TM2D1: variants seen among roughly 807,000 people sequenced by gnomAD.
The protein encoded by TM2D1 is TM2 domain containing 1, also known as TM2 domain-containing protein 1.
Under a neutral mutation model 28.4 loss-of-function variants are expected in TM2D1, and 15 were observed. That is an observed-to-expected ratio of 0.53 (90% CI 0.35 to 0.81). TM2D1 has a LOEUF of 0.81. Ranked by LOEUF, TM2D1 falls within the 40% of genes least tolerant of loss-of-function variation. The probability of loss-of-function intolerance (pLI) is 0.01; values close to 1 mark genes in which losing one functional copy is unlikely to be tolerated. For missense variants in TM2D1, 236 were observed against 254.9 expected, an observed-to-expected ratio of 0.93 and a Z score of 0.50; for synonymous variants, 93 against 96.2, an observed-to-expected ratio of 0.97 and a Z score of 0.20.
intron 3 of TM2D1, among the ~76,000 whole-genome samples, chr1:61,701,420 C>T (rs1644400731): frequency 1.3e-5 from 2 of 149,842 alleles, no homozygotes; most frequent in African/African-American, 4.9e-5. Flanking sequence ...GATATTTGAG[C>T]AGAGACCTGA....
chr1:61,690,534 C>T (rs536719437), intron 5 of TM2D1, among the ~76,000 whole-genome samples: 1 of 151,312 alleles, frequency 6.6e-6, no homozygotes, highest in Non-Finnish European at 1.5e-5. Flanking sequence ...TGTTATAGCC[C>T]CAAATGGACT....
intron 2 of TM2D1, 101 bp downstream of exon 2, chr1:61,723,612 T>C: frequency 3.6e-6 from 2 of 557,290 alleles, no homozygotes; most frequent in Non-Finnish European, 6.1e-6. Context: ...TGTTATCATT[T>C]AGAAAAAATG....
chr1:61,723,815 C>T, intron 1 of TM2D1, 29 bp from the exon 2 acceptor site: 4 of 1,107,194 alleles, frequency 3.6e-6, no homozygotes, highest in Non-Finnish European at 4.0e-6. Context: ...GAAATACGGA[C>T]TACATTCCAA....
In TM2D1 at chr1:61,683,529, A is replaced by G; in HGVS notation, c.531T>C (p.Asp177=). ...LISMQIVGPS[D]GSSYIIDYYG... ...AGTAATCTATAATGTAACTACTTCC[A>G]TCTGAAGGTCCAACAATCTAGAAGA... The change falls in exon 6 of 7, where the codon GAT becomes GAC. Residue 177 remains aspartate, a synonymous_variant. Transcript: ENST00000606498. 6.6e-7 allele frequency: 1 copy of G among 1,518,722 alleles called. No individual in the cohort carries two copies. Among genetic ancestry groups the G allele is most frequent in the Admixed American group, 2.2e-5 (1 of 44,946 alleles). The allele number at this position is 1,518,722 out of a possible 1,614,324, so 94.1% of individuals were successfully genotyped here. A position where few individuals can be genotyped will look rare whatever the true frequency, so the allele number is the denominator to read the frequency against.
At chr1:61,695,082 ACACCAG>A (rs999728493) in intron 4 of TM2D1, among the ~76,000 whole-genome samples, 45 of 152,212 alleles carry the variant, frequency 3.0e-4, no homozygotes, top group Non-Finnish European at 6.0e-4. Flanking sequence ...AAATCTCAGT[ACACCAG>A]AGTTACATCT....
chr1:61,702,376 C>CT (rs151274900), intron 3 of TM2D1, among the ~76,000 whole-genome samples: 6,007 of 145,314 alleles, frequency 0.041, 419 homozygotes, highest in African/African-American at 0.14. Flanking sequence ...AATTTTATTT[C>CT]TTTTTTTTTT....
intron 2 of TM2D1, among the ~76,000 whole-genome samples, chr1:61,716,071 C>T (rs561040350): frequency 6.6e-5 from 10 of 151,900 alleles, no homozygotes; most frequent in South Asian, 2.1e-4. Context: ...TCCCAAAGTG[C>T]TGGGATTACA....
At chr1:61,700,887 TA>T in intron 4 of TM2D1, 46 bp downstream of exon 4, 2 of 1,422,824 alleles carry the variant, frequency 1.4e-6, no homozygotes, top group Non-Finnish European at 1.9e-6. Flanking sequence ...TACAATGAAC[TA>T]AAATATAGGT....
At chr1:61,683,577 T>C (rs1644263135) in intron 5 of TM2D1, 31 bp from the exon 6 acceptor site, 1 of 1,071,466 alleles carries the variant, frequency 9.3e-7, no homozygotes, top group African/African-American at 1.7e-5. Flanking sequence ...AAATTATTCA[T>C]TTTACAAAAG....
Position 61,694,768 on chromosome 1 carries a change from A to G in TM2D1, c.442T>C (p.Leu148=), listed in dbSNP as rs749162861. 1 of 1,593,046 alleles carries G rather than the reference A, an allele frequency of 6.3e-7. No individual in the cohort carries two copies. Among genetic ancestry groups the G allele is most frequent in the Admixed American group, 1.8e-5 (1 of 56,388 alleles). ...AACCCTACAGTGCAAAACTTTAACA[A>G]ACCTAGAAAAGAAGGTAAAGTCATT... ...RFYLGYPALG[L]LKFCTVGFCG... Residue 148 remains leucine (L), a splice_region_variant and synonymous_variant, in exon 5 of 7, where the codon TTG becomes CTG. Coordinates refer to ENST00000606498, the MANE Select transcript of TM2D1 (RefSeq NM_032027.3).
rs575335209 is a variant in TM2D1, at chr1:61,684,386, C to G, written c.514-840G>C. Among the ~76,000 whole-genome samples the G allele has an allele frequency of 4.6e-5, 7 of 152,154 alleles. No homozygotes were observed. In the South Asian group the frequency reaches 1.2e-3, roughly 27 times the overall value. ...AGCATCCTACCAGTTTCCCTTCCCA[C>G]TTCTCCTCACTGTGGTCATTTCTCC... is the stretch of plus-strand genomic sequence containing the variant. On this transcript the variant is annotated intron_variant, in intron 5 of 6. Coordinates refer to ENST00000606498, the MANE Select transcript of TM2D1 (RefSeq NM_032027.3).
At chr1:61,709,543 T>C (rs1644463079) in intron 2 of TM2D1, 106 bp from the exon 3 acceptor site, 1 of 741,288 alleles carries the variant, frequency 1.3e-6, no homozygotes, top group South Asian at 1.6e-5. Flanking sequence ...CCTCCCAATA[T>C]AACATGACAC....
At chr1:61,717,920 A>C (rs1644534598) in intron 2 of TM2D1, among the ~76,000 whole-genome samples, 1 of 152,056 alleles carries the variant, frequency 6.6e-6, no homozygotes, top group Non-Finnish European at 1.5e-5. Flanking sequence ...TGGCTGAGGC[A>C]GGAGGATCGC....
Position 61,717,869 on chromosome 1 carries a change from T to C in TM2D1, c.238+5844A>G, listed in dbSNP as rs187516368. ...CCTGGGCAACTCTGCAAAAAATACT[T>C]AGGGACTGGTGGCGCATGTCTGTAA... is the stretch of plus-strand genomic sequence containing the variant. On this transcript the variant is annotated intron_variant, in intron 2 of 6. Transcript: ENST00000606498. Among the ~76,000 whole-genome samples the C allele has an allele frequency of 7.2e-5, 11 of 152,024 alleles. 1 individual carries two copies. In the East Asian group the frequency reaches 1.5e-3, roughly 21 times the overall value.
chr1:61,689,766 T>G (rs1273942692), intron 5 of TM2D1, among the ~76,000 whole-genome samples: 2 of 152,232 alleles, frequency 1.3e-5, no homozygotes, highest in Non-Finnish European at 2.9e-5. Flanking sequence ...ATACCTAAGT[T>G]GATGCTCACT....
intron 5 of TM2D1, among the ~76,000 whole-genome samples, chr1:61,692,988 A>C (rs974708306): frequency 6.6e-6 from 1 of 152,192 alleles, no homozygotes; most frequent in Non-Finnish European, 1.5e-5. Context: ...CACGCCTGTA[A>C]TAATAGCCCT....
At chr1:61,707,131 T>C (rs116091062) in intron 3 of TM2D1, among the ~76,000 whole-genome samples, 1,534 of 152,148 alleles carry the variant, frequency 0.01, 26 homozygotes, top group African/African-American at 0.034. Flanking sequence ...GGCATGCACC[T>C]CTAGTCCCAG....
Position 61,701,010 on chromosome 1 carries a change from G to A in TM2D1, c.363C>T (p.Tyr121=). The change falls in exon 4 of 7, where the codon TAC becomes TAT. Residue 121 remains tyrosine (Y), a synonymous_variant. Transcript: ENST00000606498. ...AAAGAGACAATGCGACTGCCACTTT[G>A]TAGGAATAGCCATTTCTGCAAAAAA... The part of the protein sequence containing the change: ...ISCRNVNGYS[Y]KVAVALSLFL... 6.2e-7 allele frequency: 1 copy of A among 1,610,230 alleles called. No homozygotes were observed. Among genetic ancestry groups the A allele is most frequent in the Non-Finnish European group, 8.5e-7 (1 of 1,178,284 alleles).
chr1:61,717,071 G>A (rs967922522), intron 2 of TM2D1, among the ~76,000 whole-genome samples: 10 of 152,090 alleles, frequency 6.6e-5, no homozygotes, highest in Admixed American at 3.3e-4. Context: ...AGTTATGGCC[G>A]GGTGCAGTGG....
Sources: allele counts gnomAD v4.1 joint callset (sites outside exome capture counted in the v4.1 genomes callset), GRCh38; gene constraint gnomAD v4.1.1; transcripts MANE v1.5; gene names NCBI Gene and HGNC (gene_info 2026-07-23, HGNC 2026-07-21).